INTS8: variants seen among roughly 807,000 people sequenced by gnomAD.
INTS8 encodes integrator complex subunit 8, also known as protein kaonashi-1.
INTS8 carries 47 observed loss-of-function variants against 138.9 expected under a neutral mutation model. The observed-to-expected ratio is 0.34, with a 90% CI of 0.27 to 0.43. The LOEUF is 0.43. Among genes scored for constraint, INTS8 ranks in the 20% least tolerant of loss-of-function variants. INTS8 has a pLI of 1.00. For missense variants in INTS8, 996 were observed against 1,173.0 expected, an observed-to-expected ratio of 0.85 and a Z score of 2.20; for synonymous variants, 392 against 400.9, an observed-to-expected ratio of 0.98 and a Z score of 0.27.
chr8:94,843,029 T>C (rs904669316), intron 10 of INTS8, among the ~76,000 whole-genome samples: 1 of 152,244 alleles, frequency 6.6e-6, no homozygotes, highest in Non-Finnish European at 1.5e-5. Flanking sequence ...TTGTGGTCTT[T>C]ACAACCTCCT....
chr8:94,844,026 C>CTTTTTT (rs539302253), intron 10 of INTS8, among the ~76,000 whole-genome samples: 10 of 139,254 alleles, frequency 7.2e-5, no homozygotes, highest in Non-Finnish European at 9.2e-5. Flanking sequence ...TAGAGTTCTG[C>CTTTTTT]TTTTTTTTTT....
chr8:94,833,022 C>T (rs1175112479), intron 6 of INTS8, among the ~76,000 whole-genome samples: 5 of 151,954 alleles, frequency 3.3e-5, no homozygotes, highest in Admixed American at 2.0e-4. Context: ...TTTGACATCT[C>T]TCTCTCTCTC....
In INTS8 at chr8:94,828,079, G is replaced by T. The variant is rs922497538; in HGVS notation, c.518+286G>T. On this transcript the variant is annotated intron_variant, in intron 4 of 26. Transcript: ENST00000523731. ...TTTTGAGATGGAGACTCACTCTGTC[G>T]CCCAGGCTGGAATGCAGTGGTGTGA... Among the ~76,000 whole-genome samples, 3 of 148,202 alleles carry T rather than the reference G, an allele frequency of 2.0e-5. No homozygotes were observed. In the South Asian group the frequency reaches 6.4e-4, roughly 32 times the overall value.
chr8:94,842,288 T>C, intron 9 of INTS8, 59 bp from the exon 10 acceptor site: 1 of 1,190,962 alleles, frequency 8.4e-7, no homozygotes, highest in Non-Finnish European at 1.2e-6. Flanking sequence ...AGTTGTATAA[T>C]ATACACCTTT....
chr8:94,852,345 TAA>T (rs1815576505), intron 13 of INTS8, among the ~76,000 whole-genome samples: 1 of 152,196 alleles, frequency 6.6e-6, no homozygotes, highest in South Asian at 2.1e-4. Context: ...AATGTTCCTT[TAA>T]AAACTCCCAG....
At chr8:94,828,834 T>C (rs1170718309) in intron 4 of INTS8, 141 bp from the exon 5 acceptor site, 1 of 637,760 alleles carries the variant, frequency 1.6e-6, no homozygotes, top group African/African-American at 1.9e-5. Context: ...GAGGGTTTTG[T>C]TTTTTCAAAC....
At chr8:94,834,523 C>T (rs770060588) in intron 6 of INTS8, among the ~76,000 whole-genome samples, 3 of 151,916 alleles carry the variant, frequency 2.0e-5, no homozygotes, top group African/African-American at 7.3e-5. Flanking sequence ...GCCTGGCTAA[C>T]GTGGCAAAAT....
intron 15 of INTS8, among the ~76,000 whole-genome samples, chr8:94,859,285 A>C (rs113460965): frequency 6.6e-6 from 1 of 151,156 alleles, no homozygotes; most frequent in Non-Finnish European, 1.5e-5. Context: ...TGTCTCTACA[A>C]AATTTTATTT....
intron 12 of INTS8, among the ~76,000 whole-genome samples, chr8:94,850,898 T>G (rs761148800): frequency 1.3e-5 from 2 of 152,164 alleles, no homozygotes; most frequent in Non-Finnish European, 2.9e-5. Context: ...ATAAGAAACA[T>G]AAACTTCAAC....
Position 94,852,799 on chromosome 8 carries a change from C to G in INTS8, c.1642-1006C>G, listed in dbSNP as rs551663608. On this transcript the variant is annotated intron_variant, in intron 13 of 26. Coordinates refer to ENST00000523731, the MANE Select transcript of INTS8 (RefSeq NM_017864.4). ...ATACGGGTTTCTCCATGTTGTTCTC[C>G]ATGTTGGTCAGGCTGGTCTCGAACT... Among the ~76,000 whole-genome samples, 13 of 152,006 alleles carry G rather than the reference C, an allele frequency of 8.6e-5. No homozygotes were observed. In the East Asian group the frequency reaches 1.6e-3, roughly 18 times the overall value.
chr8:94,873,197 A>G (rs1172553520), intron 21 of INTS8, among the ~76,000 whole-genome samples, 177 bp from the exon 22 acceptor site: 2 of 152,252 alleles, frequency 1.3e-5, no homozygotes, highest in Non-Finnish European at 2.9e-5. Context: ...TAAAATCTCC[A>G]GATACTAAAT....
At chr8:94,825,833 G>GT (rs34542435) in intron 2 of INTS8, among the ~76,000 whole-genome samples, 46,613 of 151,642 alleles carry the variant, frequency 0.31, 9,023 homozygotes, top group East Asian at 0.65. Flanking sequence ...GAGGAGAGGG[G>GT]TTTTTTTTGA....
chr8:94,827,884 A>G, intron 4 of INTS8, 91 bp downstream of exon 4: 1 of 1,067,508 alleles, frequency 9.4e-7, no homozygotes, highest in Non-Finnish European at 1.5e-6. Context: ...GTTATAGAAG[A>G]AGTAGAGCAG....
chr8:94,859,741 G>A (rs1252378628), intron 16 of INTS8, 109 bp downstream of exon 16: 6 of 843,452 alleles, frequency 7.1e-6, no homozygotes, highest in Non-Finnish European at 1.1e-5. Context: ...CAAATGATTG[G>A]ACAAATGCTT....
At chr8:94,840,800 A>G (rs1234889954) in intron 8 of INTS8, among the ~76,000 whole-genome samples, 1 of 151,716 alleles carries the variant, frequency 6.6e-6, no homozygotes, top group East Asian at 1.9e-4. Flanking sequence ...CTCGTGATCC[A>G]CCTACCTTGG....
intron 6 of INTS8, 44 bp downstream of exon 6, chr8:94,832,218 A>C (rs1164994891): frequency 7.1e-7 from 1 of 1,417,772 alleles, no homozygotes; most frequent in African/African-American, 1.4e-5. Context: ...TTTTTTGGAA[A>C]ATCTTAATAT....
At chr8:94,865,759 C>T (rs1038471503) in intron 17 of INTS8, 69 bp downstream of exon 17, 3 of 1,342,626 alleles carry the variant, frequency 2.2e-6, no homozygotes, top group Non-Finnish European at 3.1e-6. Flanking sequence ...TACTATTAAC[C>T]TATTAAAGGT....
At chr8:94,830,320 C>T (rs2130995808) in intron 5 of INTS8, among the ~76,000 whole-genome samples, 1 of 152,180 alleles carries the variant, frequency 6.6e-6, no homozygotes, top group African/African-American at 2.4e-5. Flanking sequence ...GGTGTAGGGG[C>T]TGGGTGAGGA....
At chr8:94,870,510 CTT>C (rs1339058260) in intron 20 of INTS8, among the ~76,000 whole-genome samples, 2 of 152,120 alleles carry the variant, frequency 1.3e-5, no homozygotes, top group Non-Finnish European at 2.9e-5. Context: ...GAGTGGGACT[CTT>C]TATTGATTCC....
Sources: gnomAD v4.1 joint callset for allele counts (sites outside exome capture counted in the v4.1 genomes callset) on GRCh38, gnomAD v4.1.1 for gene constraint, MANE v1.5 for transcripts, NCBI Gene and HGNC (gene_info 2026-07-23, HGNC 2026-07-21) for gene names.